The following NRG1 variants were observed in gnomAD, a reference collection of about 807,000 sequenced individuals.
NRG1 encodes the protein neuregulin 1.
In NRG1, 18 loss-of-function variants were observed where a neutral mutation model predicts 63.8. The observed-to-expected ratio is 0.28, with a 90% confidence interval of 0.19 to 0.42. The LOEUF (loss-of-function observed/expected upper bound fraction) is 0.42. Among genes scored for constraint, NRG1 ranks in the 10% least tolerant of loss-of-function variants. The probability of loss-of-function intolerance (pLI) is 1.00; values close to 1 mark genes in which losing one functional copy is unlikely to be tolerated. For missense variants in NRG1, 762 were observed against 814.7 expected (o/e 0.94, Z 0.79); for synonymous variants, 302 against 301.3 (o/e 1.00, Z -0.02).
intron 1 of NRG1, among the ~76,000 whole-genome samples, chr8:31,667,735 C>T (rs1454193022): frequency 6.6e-6 from 1 of 152,108 alleles, no homozygotes; most frequent in Non-Finnish European, 1.5e-5. Flanking sequence ...ACTTGGTACC[C>T]AGCAGTAAGA....
chr8:32,457,365 G>A (rs1383434887), intron 1 of NRG1, among the ~76,000 whole-genome samples: 1 of 152,090 alleles, frequency 6.6e-6, no homozygotes, highest in Non-Finnish European at 1.5e-5. Flanking sequence ...ATTCTTTTCT[G>A]TAAAGTGCTT....
intron 1 of NRG1, among the ~76,000 whole-genome samples, chr8:32,038,043 T>C (rs1819355190): frequency 6.6e-6 from 1 of 152,216 alleles, no homozygotes; most frequent in Non-Finnish European, 1.5e-5. Flanking sequence ...AACTCTTATG[T>C]CTCAGTGTCT....
chr8:31,719,785 T>C (rs977858844), intron 1 of NRG1, among the ~76,000 whole-genome samples: 1 of 152,196 alleles, frequency 6.6e-6, no homozygotes, highest in African/African-American at 2.4e-5. Context: ...AATGGAAATT[T>C]ATCTGCAGAG....
At chr8:31,694,538 T>C (rs1017918157) in intron 1 of NRG1, among the ~76,000 whole-genome samples, 6 of 152,150 alleles carry the variant, frequency 3.9e-5, no homozygotes, top group African/African-American at 7.2e-5. Flanking sequence ...TTTGGAAATA[T>C]GTCTTATAAG....
intron 1 of NRG1, among the ~76,000 whole-genome samples, chr8:32,435,530 C>A (rs1041434928): frequency 6.6e-6 from 1 of 152,092 alleles, no homozygotes; most frequent in South Asian, 2.1e-4. Context: ...TCATATAGGT[C>A]CCTTCTGCTG....
At chr8:32,063,498 A>G (rs1824224482) in intron 1 of NRG1, 1 of 152,136 alleles carries the variant, frequency 6.6e-6, no homozygotes, top group Admixed American at 6.6e-5. Flanking sequence ...TCTTGGAACA[A>G]TAGATGTAAA....
intron 1 of NRG1, among the ~76,000 whole-genome samples, chr8:32,410,928 T>C (rs1212196540): frequency 6.7e-6 from 1 of 150,204 alleles, no homozygotes; most frequent in Non-Finnish European, 1.5e-5. Context: ...CAGGCTGGAG[T>C]GCAGTGGCGC....
rs375861946 is a variant in NRG1, at chr8:31,830,302, TTTCCTTCC to T, written c.37+190924_37+190931del. 5.0e-3 allele frequency among the ~76,000 whole-genome samples: 613 copies of T among 122,716 alleles called. 6 individuals are homozygous for T. Among genetic ancestry groups the T allele is most frequent in the African/African-American group, 0.01 (314 of 31,186 alleles). The allele number at this position is 122,716 out of a possible 152,430, so 80.5% of individuals were successfully genotyped here. A position where few individuals can be genotyped will look rare whatever the true frequency, so the allele number is the denominator to read the frequency against. Reference sequence around the variant, plus strand: ...TATTTTTGATGCAGTGCTCTTCTTTTTTCCTTCCTTCCTTCCTTCCTTCCTTCCTTCCT... The same window carrying T: ...TATTTTTGATGCAGTGCTCTTCTTTTTTCCTTCCTTCCTTCCTTCCTTCCT... On this transcript the variant is annotated intron_variant, in intron 1 of 10. Transcript: ENST00000519301.
chr8:32,417,608 A>C (rs7008991), intron 1 of NRG1, among the ~76,000 whole-genome samples: 64,525 of 151,702 alleles, frequency 0.43, 13,900 homozygotes, highest in Admixed American at 0.46. Context: ...AGTTGGATAC[A>C]CTTCCCACAC....
chr8:32,390,939 G>T (rs541982046), intron 1 of NRG1, among the ~76,000 whole-genome samples: 1 of 152,256 alleles, frequency 6.6e-6, no homozygotes, highest in South Asian at 2.1e-4. Flanking sequence ...CACTTTACTA[G>T]GATGTTCTGA....
chr8:32,214,012 G>A (rs1239740572), intron 1 of NRG1, among the ~76,000 whole-genome samples: 1 of 152,190 alleles, frequency 6.6e-6, no homozygotes, highest in Non-Finnish European at 1.5e-5. Flanking sequence ...GAAACCTATT[G>A]TAGATAAAGA....
chr8:31,952,704 T>G (rs1803667349), intron 1 of NRG1, among the ~76,000 whole-genome samples: 1 of 152,258 alleles, frequency 6.6e-6, no homozygotes, highest in Non-Finnish European at 1.5e-5. Flanking sequence ...TGACATCTAA[T>G]GAACAGGTGG....
intron 5 of NRG1, among the ~76,000 whole-genome samples, chr8:32,724,796 G>A (rs568040054): frequency 1.4e-4 from 21 of 152,220 alleles, no homozygotes; most frequent in African/African-American, 4.3e-4. Context: ...AAAGTGCTAA[G>A]CATAATAATC....
chr8:32,281,730 C>G (rs546527452), intron 1 of NRG1, among the ~76,000 whole-genome samples: 234 of 152,184 alleles, frequency 1.5e-3, no homozygotes, highest in Middle Eastern at 3.4e-3. Flanking sequence ...TCTGTAGTAC[C>G]AGCTACTCAG....
chr8:31,899,975 C>T (rs144609302), intron 1 of NRG1, among the ~76,000 whole-genome samples: 3 of 152,234 alleles, frequency 2.0e-5, no homozygotes, highest in African/African-American at 7.2e-5. Flanking sequence ...ATCTTATGTA[C>T]TTTGTAAATA....
chr8:31,976,741 C>A (rs1447463671), intron 1 of NRG1, among the ~76,000 whole-genome samples: 2 of 151,662 alleles, frequency 1.3e-5, no homozygotes, highest in Non-Finnish European at 2.9e-5. Flanking sequence ...CTAAGAAAAG[C>A]AAATGCTAAA....
intron 1 of NRG1, among the ~76,000 whole-genome samples, chr8:32,530,647 G>GT (rs1017385988): frequency 1.5e-4 from 23 of 151,604 alleles, no homozygotes; most frequent in Middle Eastern, 3.4e-3. Flanking sequence ...TTCCACATTT[G>GT]TTTTTTTTGT....
At chr8:32,628,389 C>CAT (rs1260472527) in intron 5 of NRG1, among the ~76,000 whole-genome samples, 2 of 152,128 alleles carry the variant, frequency 1.3e-5, no homozygotes, top group Non-Finnish European at 2.9e-5. Context: ...TGTTCCACAG[C>CAT]ATAAATACAT....
At chr8:31,812,504 G>A (rs977396427) in intron 1 of NRG1, among the ~76,000 whole-genome samples, 1 of 151,548 alleles carries the variant, frequency 6.6e-6, no homozygotes, top group African/African-American at 2.4e-5. Context: ...CCAATTAGGG[G>A]TTTTTCCAGT....
Sources: gnomAD v4.1 joint callset for allele counts (sites outside exome capture counted in the v4.1 genomes callset) on GRCh38, gnomAD v4.1.1 for gene constraint, MANE v1.5 for transcripts, NCBI Gene and HGNC (gene_info 2026-07-23, HGNC 2026-07-21) for gene names.